PCDHGA10: variants seen among roughly 807,000 people sequenced by gnomAD.
The protein encoded by PCDHGA10 is protocadherin gamma subfamily A, 10, also known as protocadherin gamma-A10.
PCDHGA10 carries 42 observed loss-of-function variants against 59.5 expected under a neutral mutation model. The ratio of observed to expected loss-of-function variants is 0.71; its 90% CI spans 0.55 to 0.91. The LOEUF (loss-of-function observed/expected upper bound fraction) is 0.91. PCDHGA10 is among the 40% of genes least tolerant of loss of function. The pLI, the probability that PCDHGA10 is intolerant of heterozygous loss-of-function variation, is 0.00. For synonymous variants in PCDHGA10, 511 were observed against 517.2 expected (o/e 0.99, Z 0.16); for missense variants, 1,111 against 1,198.2 (o/e 0.93, Z 1.07).
chr5:141,484,549 G>A (rs939394402), intron 1 of PCDHGA10, among the ~76,000 whole-genome samples: 1 of 152,162 alleles, frequency 6.6e-6, no homozygotes, highest in African/African-American at 2.4e-5. Context: ...GTTCTAATTA[G>A]CAGTTGCTCC....
In PCDHGA10 at chr5:141,414,083, G is replaced by C. The variant is rs964114178; in HGVS notation, c.908G>C (p.Gly303Ala). Residue 303 changes from glycine to alanine, a missense_variant, in exon 1 of 4, where the codon GGA (glycine) becomes GCA (alanine). By Grantham distance (60) the Gly-to-Ala change is moderately conservative (BLOSUM62 0). Transcript: ENST00000398610. ...LLKFQLNKYTGEIKISENLDY... is the reference protein window; with the variant it reads ...LLKFQLNKYTAEIKISENLDY... ...AAGTTCCAACTAAACAAATATACTG[G>C]AGAAATAAAAATATCAGAAAATCTA... is the stretch of plus-strand genomic sequence containing the variant. 6.2e-7 allele frequency: 1 copy of C among 1,601,124 alleles called. No homozygotes were observed. The highest frequency in any genetic ancestry group is 8.5e-7 in the Non-Finnish European group (1 of 1,173,780).
chr5:141,413,663 A>T lies in PCDHGA10; in HGVS notation c.488A>T (p.Asp163Val). Reference sequence around the variant, plus strand: ...CGTTTTCCTCTCCCGGAAGCTATTGATCCGGATGTGGGCGTGAACTCCCTG... The same window carrying T: ...CGTTTTCCTCTCCCGGAAGCTATTGTTCCGGATGTGGGCGTGAACTCCCTG... ...GMRFPLPEAI[D>V]PDVGVNSLQS... The change falls in exon 1 of 4, where the codon GAT becomes GTT. Residue 163 changes from aspartate to valine, a missense_variant. Transcript: ENST00000398610. 1 of 1,613,844 alleles carries T rather than the reference A, an allele frequency of 6.2e-7. No individual in the cohort carries two copies. Among genetic ancestry groups the T allele is most frequent in the Non-Finnish European group, 8.5e-7 (1 of 1,179,874 alleles).
In PCDHGA10 at chr5:141,414,638, A is replaced by G; in HGVS notation, c.1463A>G (p.Asn488Ser). The G allele has an allele frequency of 6.2e-7, 1 of 1,613,988 alleles. No individual in the cohort carries two copies. Among genetic ancestry groups the G allele is most frequent in the Non-Finnish European group, 8.5e-7 (1 of 1,179,888 alleles). ...VTALDPDSKENAQIIYSLAED... is the reference protein window; with the variant it reads ...VTALDPDSKESAQIIYSLAED... ...GCGCTGGACCCGGACAGCAAAGAGAATGCCCAGATTATTTACTCCCTGGCT... is the reference window on the plus strand; with the variant it reads ...GCGCTGGACCCGGACAGCAAAGAGAGTGCCCAGATTATTTACTCCCTGGCT... Residue 488 changes from asparagine to serine, a missense_variant, in exon 1 of 4, where the codon AAT (asparagine) becomes AGT (serine). Physicochemically the swap from Asn to Ser is conservative, Grantham distance 46 (BLOSUM62 1). Transcript: ENST00000398610.
Position 141,421,984 on chromosome 5 carries a change from C to G in PCDHGA10, c.2436+6373C>G, listed in dbSNP as rs201871921. On this transcript the variant is annotated intron_variant, in intron 1 of 3. Transcript: ENST00000398610. ...ACAGTCCGTATATCGCGTGAGTGTT[C>G]CAGAAAACATCAGCTCCGGAACTCG... 21 of 1,608,770 alleles carry G rather than the reference C, an allele frequency of 1.3e-5. No homozygotes were observed. In the Admixed American group the frequency reaches 2.4e-4, roughly 18 times the overall value.
intron 1 of PCDHGA10, among the ~76,000 whole-genome samples, chr5:141,483,913 C>G (rs988014158): frequency 6.7e-6 from 1 of 148,188 alleles, no homozygotes; most frequent in African/African-American, 2.5e-5. Context: ...GTTTCCCACT[C>G]AGATTGCAGG....
chr5:141,427,469 C>T lies in PCDHGA10; in HGVS notation c.2436+11858C>T, dbSNP rs116302471. The T allele has an allele frequency of 9.8e-3, 5,010 of 510,088 alleles. 35 individuals are homozygous for T. Among genetic ancestry groups the T allele is most frequent in the Non-Finnish European group, 0.012 (3,225 of 262,464 alleles). 31.6% of individuals were successfully genotyped at this position (510,088 alleles called of 1,614,324 possible). A position where few individuals can be genotyped will look rare whatever the true frequency, so the allele number is the denominator to read the frequency against. On this transcript the variant is annotated intron_variant, in intron 1 of 3. Coordinates refer to ENST00000398610, the MANE Select transcript of PCDHGA10 (RefSeq NM_018913.3). Reference sequence around the variant, plus strand: ...GAGTTCCTTTTAGAATCGAATCTTCCGCCAATAATGACTATAAGCTTGTAA... The same window carrying T: ...GAGTTCCTTTTAGAATCGAATCTTCTGCCAATAATGACTATAAGCTTGTAA...
rs776975666 is a variant in PCDHGA10 at position 141,432,850 on chromosome 5, G to A, written c.2436+17239G>A. The A allele has an allele frequency of 6.2e-7, 1 of 1,614,170 alleles. No homozygotes were observed. The highest frequency in any genetic ancestry group is 1.1e-5 in the South Asian group (1 of 91,088). ...TCACTCTGTACCTGGTGGTAGCGGT[G>A]GCCGCGGTCTCCTGCGTCTTCCTGG... is the stretch of plus-strand genomic sequence containing the variant. On this transcript the variant is annotated intron_variant, in intron 1 of 3. Coordinates refer to ENST00000398610, the MANE Select transcript of PCDHGA10 (RefSeq NM_018913.3). The surrounding 1 kb of genome is among the most constrained non-coding windows in gnomAD (Gnocchi z 6.0).
At chr5:141,420,521 C>A in intron 1 of PCDHGA10, 1 of 378,418 alleles carries the variant, frequency 2.6e-6, no homozygotes, top group Non-Finnish European at 4.4e-6. Context: ...AGTAAAATAC[C>A]TTTCGGTTAA....
In PCDHGA10 at chr5:141,511,112, G is replaced by C. The variant is rs767257788; in HGVS notation, c.2750G>C (p.Gly917Ala). The change falls in exon 4 of 4, where the codon GGC becomes GCC. Residue 917 changes from glycine (G) to alanine (A), a missense_variant. Coordinates refer to ENST00000398610, the MANE Select transcript of PCDHGA10 (RefSeq NM_018913.3). ...TLTNAAGKRD[G>A]KAPAGGNGNK... The stretch of plus-strand genomic sequence containing the variant: ...ACCAACGCAGCTGGCAAGCGGGATG[G>C]CAAGGCCCCAGCAGGTGGCAATGGC... The C allele has an allele frequency of 4.3e-6, 7 of 1,614,232 alleles. No homozygotes were observed. Among genetic ancestry groups the C allele is most frequent in the Non-Finnish European group, 5.9e-6 (7 of 1,180,024 alleles).
Position 141,489,322 on chromosome 5 carries a change from T to G in PCDHGA10, c.2437-5485T>G. 1.9e-6 allele frequency: 3 copies of G among 1,601,052 alleles called. No homozygotes were observed. The highest frequency in any genetic ancestry group is 2.2e-5 in the East Asian group (1 of 44,726). On this transcript the variant is annotated intron_variant, in intron 1 of 3. Transcript: ENST00000398610. This position sits in a 1 kb window ranked among gnomAD's most constrained non-coding sequence, Gnocchi z 4.5. The stretch of plus-strand genomic sequence containing the variant: ...GTCCTTGTGCTGCTGGGGCTGGGTG[T>G]CTGGGCAGCTTCGTTACTCAGTGGT...
intron 1 of PCDHGA10, among the ~76,000 whole-genome samples, chr5:141,461,415 T>C (rs2099015091): frequency 6.6e-6 from 1 of 152,152 alleles, no homozygotes; most frequent in Non-Finnish European, 1.5e-5. Flanking sequence ...TTTCATATGT[T>C]TGTGGGCCAT....
rs1424739885 is a variant in PCDHGA10 at position 141,414,106 on chromosome 5, C to G, written c.931C>G (p.Leu311Val). ...TGGAGAAATAAAAATATCAGAAAAT[C>G]TAGATTATGAAGAAACCGGTTTCTA... is the stretch of plus-strand genomic sequence containing the variant. Reference protein sequence around the residue: ...YTGEIKISENLDYEETGFYEI... With the variant: ...YTGEIKISENVDYEETGFYEI... Residue 311 changes from leucine (L) to valine (V), a missense_variant, in exon 1 of 4, where the codon CTA (leucine) becomes GTA (valine). By Grantham distance (32) the Leu-to-Val change is conservative. Coordinates refer to ENST00000398610, the MANE Select transcript of PCDHGA10 (RefSeq NM_018913.3). 1.3e-6 allele frequency: 2 copies of G among 1,592,536 alleles called. No individual in the cohort carries two copies. The highest frequency in any genetic ancestry group is 1.7e-6 in the Non-Finnish European group (2 of 1,169,336).
intron 1 of PCDHGA10, chr5:141,418,954 T>G (rs1490406390): frequency 6.2e-7 from 1 of 1,613,914 alleles, no homozygotes; most frequent in East Asian, 2.2e-5. Flanking sequence ...CAGGAGTGGT[T>G]GTTGCCCTCT....
At chr5:141,433,207 TC>T (rs780557883) in intron 1 of PCDHGA10, 10 of 1,568,868 alleles carry the variant, frequency 6.4e-6, no homozygotes, top group African/African-American at 1.4e-5. Flanking sequence ...AAATCTTCTT[TC>T]TTTTTTTTTT....
At chr5:141,424,945 C>A (rs2096849463) in intron 1 of PCDHGA10, among the ~76,000 whole-genome samples, 1 of 152,186 alleles carries the variant, frequency 6.6e-6, no homozygotes, top group Admixed American at 6.5e-5. Flanking sequence ...TCTCACATCA[C>A]TTCTAGGTAT....
At chr5:141,419,642 G>A (rs376762490) in intron 1 of PCDHGA10, 1 of 1,612,412 alleles carries the variant, frequency 6.2e-7, no homozygotes, top group African/African-American at 1.3e-5. Context: ...GGTGGCCGTG[G>A]ACGCGGACTC....
rs1023379892 is a variant in PCDHGA10 at position 141,475,927 on chromosome 5, G to T, written c.2437-18880G>T. 1.3e-4 allele frequency: 80 copies of T among 628,362 alleles called. No individual in the cohort carries two copies. In the African/African-American group the frequency reaches 1.4e-3, roughly 11 times the overall value. The allele number at this position is 628,362 out of a possible 1,614,324, so 38.9% of individuals were successfully genotyped here. ...CGGCCAATGAAGACGCTGGAGATCG[G>T]GCCCCTGCCCGTCCCCTTTCTGCGC... On this transcript the variant is annotated intron_variant, in intron 1 of 3. Coordinates refer to ENST00000398610, the MANE Select transcript of PCDHGA10 (RefSeq NM_018913.3).
Position 141,421,742 on chromosome 5 carries a change from A to G in PCDHGA10, c.2436+6131A>G, listed in dbSNP as rs772984365. The stretch of plus-strand genomic sequence containing the variant: ...GGCGTGAACTCCCTCCAGAGCTACC[A>G]GCTCAGCCCTAATAATTACTTTTCC... On this transcript the variant is annotated intron_variant, in intron 1 of 3. Transcript: ENST00000398610. The G allele has an allele frequency of 4.3e-6, 7 of 1,613,826 alleles. No individual in the cohort carries two copies. The East Asian group carries it at 1.3e-4, about 31-fold the overall frequency.
intron 2 of PCDHGA10, among the ~76,000 whole-genome samples, chr5:141,497,393 CT>C (rs1035907100): frequency 2.1e-4 from 32 of 152,254 alleles, no homozygotes; most frequent in African/African-American, 7.5e-4. Context: ...CACCTTACCC[CT>C]GCCTCAACTC....
Sources: gnomAD v4.1 joint callset for allele counts (sites outside exome capture counted in the v4.1 genomes callset) on GRCh38, gnomAD v4.1.1 for gene constraint, Gnocchi (gnomAD v3.1) non-coding constraint, MANE v1.5 for transcripts, NCBI Gene and HGNC (gene_info 2026-07-23, HGNC 2026-07-21) for gene names.